Variants in DDAH1 observed in about 807,000 individuals in gnomAD.
The protein encoded by DDAH1 is N(G),N(G)-dimethylarginine dimethylaminohydrolase 1.
In DDAH1, 19 loss-of-function variants were observed where a neutral mutation model predicts 28.8. The ratio of observed to expected loss-of-function variants is 0.66; its 90% confidence interval spans 0.46 to 0.97. The LOEUF is 0.97. Ranked by LOEUF, DDAH1 falls within the 50% of genes least tolerant of loss-of-function variation. The pLI is 0.00. For missense variants in DDAH1, 326 were observed against 375.9 expected (o/e 0.87, Z 1.10); for synonymous variants, 153 against 154.4 (o/e 0.99, Z 0.07).
In DDAH1 at chr1:85,433,408, G is replaced by A. The variant is rs185906399; in HGVS notation, c.303+31335C>T. 2.0e-5 allele frequency among the ~76,000 whole-genome samples: 3 copies of A among 152,236 alleles called. No homozygotes were observed. The East Asian group carries it at 5.8e-4, about 29-fold the overall frequency. On this transcript the variant is annotated intron_variant, in intron 1 of 5. Coordinates refer to ENST00000284031, the MANE Select transcript of DDAH1 (RefSeq NM_012137.4). Reference sequence around the variant, plus strand: ...TGGAAAATGCATCAAGTATGTGGTTGCCATCTGTAGAGATTCCTGTCCTTA... The same window carrying A: ...TGGAAAATGCATCAAGTATGTGGTTACCATCTGTAGAGATTCCTGTCCTTA...
intron 1 of DDAH1, among the ~76,000 whole-genome samples, chr1:85,386,982 G>A (rs556084136): frequency 3.6e-4 from 55 of 152,302 alleles, no homozygotes; most frequent in Admixed American, 1.1e-3. Flanking sequence ...AGCAGGGACT[G>A]GGGGGTAGTG....
intron 1 of DDAH1, among the ~76,000 whole-genome samples, chr1:85,387,849 T>C (rs142571658): frequency 2.6e-5 from 4 of 152,246 alleles, no homozygotes; most frequent in East Asian, 1.9e-4. Flanking sequence ...ACAAGAAGCG[T>C]TGCACCAGCA....
intron 1 of DDAH1, among the ~76,000 whole-genome samples, chr1:85,496,768 G>C (rs1656609037): frequency 6.6e-6 from 1 of 152,020 alleles, no homozygotes; most frequent in Non-Finnish European, 1.5e-5. Context: ...ATATGAAATT[G>C]TCTACACAAA....
In DDAH1 at chr1:85,424,772, A is replaced by C. The variant is rs565861885; in HGVS notation, c.303+39971T>G. ...AAATTTAATTTTTTTTAATTTTCCA[A>C]ATTCTCTCCAATGAGTATATATTTA... is the stretch of plus-strand genomic sequence containing the variant. On this transcript the variant is annotated intron_variant, in intron 1 of 5. Coordinates refer to ENST00000284031, the MANE Select transcript of DDAH1 (RefSeq NM_012137.4). Among the ~76,000 whole-genome samples the C allele has an allele frequency of 2.0e-5, 3 of 152,156 alleles. No individual in the cohort carries two copies. The South Asian group carries it at 6.2e-4, about 32-fold the overall frequency.
chr1:85,389,044 T>C (rs1651415972), intron 1 of DDAH1, among the ~76,000 whole-genome samples: 1 of 152,064 alleles, frequency 6.6e-6, no homozygotes, highest in African/African-American at 2.4e-5. Context: ...AAAATGATCA[T>C]TAACAGTTGT....
chr1:85,449,374 C>A (rs648216), intron 1 of DDAH1, among the ~76,000 whole-genome samples: 45,458 of 151,898 alleles, frequency 0.3, 6,879 homozygotes, highest in East Asian at 0.34. Flanking sequence ...GGTAGGAAAC[C>A]AACAAAAGGG....
intron 4 of DDAH1, 111 bp from the exon 5 acceptor site, chr1:85,324,994 T>C (rs1647285764): frequency 1.6e-6 from 2 of 1,282,682 alleles, no homozygotes; most frequent in Non-Finnish European, 2.1e-6. Context: ...AGGCTGTTCC[T>C]CTGTTCAAAT....
At position 85,318,928 on chromosome 1, in the gene DDAH1, C is replaced by A. The variant is rs943458309; in HGVS notation, c.*2524G>T. On this transcript the variant is annotated 3_prime_UTR_variant, in exon 6 of 6. Transcript: ENST00000284031. ...GAAATAATGCTAAATAATGTATTTT[C>A]TCTATATCATCCTTTAACTAAATTG... The A allele has an allele frequency of 1.3e-5, 2 of 152,188 alleles. No individual in the cohort carries two copies. The highest frequency in any genetic ancestry group is 2.9e-5 in the Non-Finnish European group (2 of 68,036). The allele number at this position is 152,188 out of a possible 1,614,324, so 9.4% of individuals were successfully genotyped here.
intron 1 of DDAH1, among the ~76,000 whole-genome samples, chr1:85,421,952 T>C (rs892605501): frequency 6.6e-6 from 1 of 152,162 alleles, no homozygotes; most frequent in Non-Finnish European, 1.5e-5. Context: ...GGTAAATACT[T>C]AGGAGCATGA....
chr1:85,405,873 C>T (rs934405394), intron 1 of DDAH1, among the ~76,000 whole-genome samples: 16 of 152,300 alleles, frequency 1.1e-4, no homozygotes, highest in African/African-American at 3.1e-4. Context: ...GCCACTCACT[C>T]GAATACGTTT....
intron 1 of DDAH1, among the ~76,000 whole-genome samples, chr1:85,369,055 C>CTTT (rs36109764): frequency 2.4e-3 from 207 of 84,572 alleles, no homozygotes; most frequent in Non-Finnish European, 3.3e-3. Context: ...CCAGGGGATT[C>CTTT]TTTTTTTTTT....
chr1:85,383,633 T>C (rs1457530786), intron 1 of DDAH1, among the ~76,000 whole-genome samples: 2 of 152,162 alleles, frequency 1.3e-5, no homozygotes, highest in Non-Finnish European at 2.9e-5. Flanking sequence ...TACAGAGAAA[T>C]GTTTCATGAA....
intron 1 of DDAH1, among the ~76,000 whole-genome samples, chr1:85,568,786 T>C (rs2100561813): frequency 6.6e-6 from 1 of 152,312 alleles, no homozygotes; most frequent in South Asian, 2.1e-4. Flanking sequence ...CCTTCCAAGC[T>C]TTATGGAGGA....
chr1:85,539,644 C>T (rs1250310534), intron 1 of DDAH1, among the ~76,000 whole-genome samples: 1 of 150,608 alleles, frequency 6.6e-6, no homozygotes, highest in East Asian at 1.9e-4. Flanking sequence ...GTCAACAGCA[C>T]CCCTAAGGGA....
intron 1 of DDAH1, among the ~76,000 whole-genome samples, chr1:85,520,666 C>T (rs11161625): frequency 1.5e-4 from 23 of 152,272 alleles, no homozygotes; most frequent in Admixed American, 1.3e-3. Flanking sequence ...ATTTCTAAGA[C>T]GGAACAATTC....
Position 85,332,956 on chromosome 1 carries a change from C to T in DDAH1, c.598-8073G>A, listed in dbSNP as rs555786710. ...TGAGTGCCCATGGGGAGCCTGAGGA[C>T]TCATCCAGTCATCTGGCACACTGCT... is the stretch of plus-strand genomic sequence containing the variant. On this transcript the variant is annotated intron_variant, in intron 4 of 5. Transcript: ENST00000284031. Among the ~76,000 whole-genome samples, 26 of 152,328 alleles carry T rather than the reference C, an allele frequency of 1.7e-4. No individual in the cohort carries two copies. The South Asian group carries it at 5.4e-3, about 32-fold the overall frequency.
At chr1:85,479,910 A>G (rs1265454976) in intron 2 of DDAH1, among the ~76,000 whole-genome samples, 1 of 152,226 alleles carries the variant, frequency 6.6e-6, no homozygotes, top group Non-Finnish European at 1.5e-5. Flanking sequence ...GACTATACCC[A>G]TCTTACACAT....
At chr1:85,544,446 AG>A (rs1206899017) in intron 1 of DDAH1, among the ~76,000 whole-genome samples, 1 of 152,202 alleles carries the variant, frequency 6.6e-6, no homozygotes, top group Admixed American at 6.5e-5. Context: ...AAAAACTCCC[AG>A]AGCACAATGT....
intron 1 of DDAH1, among the ~76,000 whole-genome samples, chr1:85,401,075 T>C (rs1557583790): frequency 6.6e-6 from 1 of 152,148 alleles, no homozygotes; most frequent in African/African-American, 2.4e-5. Context: ...TACGAGAACA[T>C]TGGGCTAAAG....
Sources: gnomAD v4.1 joint callset for allele counts (sites outside exome capture counted in the v4.1 genomes callset) on GRCh38, gnomAD v4.1.1 for gene constraint, MANE v1.5 for transcripts, NCBI Gene and HGNC (gene_info 2026-07-23, HGNC 2026-07-21) for gene names.